The following TMC7 variants were observed in gnomAD, a reference collection of about 807,000 sequenced individuals.
TMC7 encodes transmembrane channel like 7.
A neutral mutation model predicts 82.9 loss-of-function variants in TMC7; 54 were observed. That is an observed-to-expected ratio of 0.65 (90% CI 0.52 to 0.82). TMC7 has a LOEUF of 0.82. Among genes scored for constraint, TMC7 ranks in the 40% least tolerant of loss-of-function variants. TMC7 has a pLI of 0.00. For missense variants in TMC7, 820 were observed against 901.2 expected (o/e 0.91, Z 1.15); for synonymous variants, 350 against 337.9 (o/e 1.04, Z -0.39).
intron 11 of TMC7, 50 bp from the exon 12 acceptor site, chr16:19,047,013 T>G (rs749109232): frequency 1.3e-6 from 2 of 1,496,186 alleles, no homozygotes; most frequent in South Asian, 2.6e-5. Flanking sequence ...GATATGGTTC[T>G]GTGGCCTTGG....
In TMC7 at chr16:19,061,870, C is replaced by G. The variant is rs1309383080; in HGVS notation, c.*27C>G. 1.2e-6 allele frequency: 2 copies of G among 1,603,522 alleles called. No homozygotes were observed. Among genetic ancestry groups the G allele is most frequent in the Non-Finnish European group, 1.7e-6 (2 of 1,172,768 alleles). ...TAGACTGAGCGTGAAGATGGTGCTG[C>G]CTGTTGCTTCTAAGCTGACCTAGTG... On this transcript the variant is annotated 3_prime_UTR_variant, in exon 16 of 16. Coordinates refer to ENST00000304381, the MANE Select transcript of TMC7 (RefSeq NM_024847.4).
At chr16:19,036,626 G>A (rs1034935653) in intron 7 of TMC7, among the ~76,000 whole-genome samples, 2 of 152,074 alleles carry the variant, frequency 1.3e-5, no homozygotes, top group African/African-American at 4.8e-5. Context: ...TGAGGCAAGA[G>A]AATCAATTGA....
intron 12 of TMC7, among the ~76,000 whole-genome samples, chr16:19,050,377 AAAAAAAAAAAAAAAACCAAAAAAAAC>A: frequency 6.6e-6 from 1 of 151,514 alleles, no homozygotes; most frequent in African/African-American, 2.4e-5. Flanking sequence ...AAAAAAAAAA[AAAAAAAAAAAAAAAACCAAAAAAAAC>A]AAAAAACTTA....
At chr16:19,010,033 C>G (rs1294537696) in intron 2 of TMC7, among the ~76,000 whole-genome samples, 4 of 140,766 alleles carry the variant, frequency 2.8e-5, no homozygotes, top group African/African-American at 1.1e-4. Flanking sequence ...CTCCCTCCCT[C>G]CCTCCTTTCT....
intron 6 of TMC7, among the ~76,000 whole-genome samples, chr16:19,031,593 C>T (rs573507152): frequency 1.1e-4 from 17 of 152,182 alleles, no homozygotes; most frequent in African/African-American, 3.9e-4. Context: ...ATCACTTGAA[C>T]CTGGGAGGCG....
At chr16:19,016,243 A>G (rs938063810) in intron 2 of TMC7, among the ~76,000 whole-genome samples, 1 of 151,792 alleles carries the variant, frequency 6.6e-6, no homozygotes, top group African/African-American at 2.4e-5. Context: ...GGCGCCCGCC[A>G]CCACACCTGG....
intron 14 of TMC7, among the ~76,000 whole-genome samples, chr16:19,057,112 C>G (rs1467539578): frequency 6.6e-6 from 1 of 152,126 alleles, no homozygotes; most frequent in Non-Finnish European, 1.5e-5. Context: ...GCACTCCAGC[C>G]TGGGTGACAG....
intron 1 of TMC7, among the ~76,000 whole-genome samples, chr16:18,995,384 A>G (rs2039026688): frequency 6.6e-6 from 1 of 152,224 alleles, no homozygotes; most frequent in African/African-American, 2.4e-5. Context: ...ATCAGGCAGC[A>G]TCAGTCTTCA....
At chr16:19,014,180 C>T (rs979029150) in intron 2 of TMC7, among the ~76,000 whole-genome samples, 9 of 152,106 alleles carry the variant, frequency 5.9e-5, no homozygotes, top group Admixed American at 2.0e-4. Flanking sequence ...TCTTGCTTAT[C>T]GAGATTTGGG....
chr16:19,006,203 C>CT (rs780064058), intron 1 of TMC7, among the ~76,000 whole-genome samples: 2,129 of 142,238 alleles, frequency 0.015, 38 homozygotes, highest in African/African-American at 0.045. Flanking sequence ...CCAGGGTGAC[C>CT]TTTTTTTTTT....
intron 9 of TMC7, among the ~76,000 whole-genome samples, chr16:19,044,333 C>G (rs1163912403): frequency 6.6e-6 from 1 of 152,122 alleles, no homozygotes; most frequent in Non-Finnish European, 1.5e-5. Context: ...GTCACCACCA[C>G]ACCTTGCTCA....
intron 9 of TMC7, among the ~76,000 whole-genome samples, chr16:19,044,382 G>A (rs951989496): frequency 6.6e-6 from 1 of 151,820 alleles, no homozygotes. Flanking sequence ...GCCAGGGGGT[G>A]GTGGTCTTAC....
intron 14 of TMC7, 27 bp from the exon 15 acceptor site, chr16:19,059,389 T>C (rs373345278): frequency 1.6e-5 from 26 of 1,608,854 alleles, no homozygotes; most frequent in Admixed American, 6.7e-5. Context: ...CCAGACTCCC[T>C]TGTGACCTGT....
chr16:19,041,444 CA>C (rs1961009293), intron 9 of TMC7, among the ~76,000 whole-genome samples: 1 of 151,930 alleles, frequency 6.6e-6, no homozygotes, highest in Non-Finnish European at 1.5e-5. Context: ...TGGCTCACTG[CA>C]ACCTCCACCT....
chr16:19,011,362 GTCA>G (rs1959329463), intron 2 of TMC7, among the ~76,000 whole-genome samples: 2 of 151,958 alleles, frequency 1.3e-5, no homozygotes, highest in Non-Finnish European at 2.9e-5. Context: ...CCCCCACAGG[GTCA>G]GTAGCATAAA....
intron 15 of TMC7, 22 bp downstream of exon 15, chr16:19,059,516 G>A (rs1961912334): frequency 1.2e-6 from 2 of 1,614,046 alleles, no homozygotes; most frequent in Admixed American, 3.3e-5. Flanking sequence ...TAGCTCCAGA[G>A]GGTCATGGCT....
intron 3 of TMC7, among the ~76,000 whole-genome samples, chr16:19,019,248 CAA>C (rs747135342): frequency 5.3e-5 from 8 of 152,188 alleles, no homozygotes; most frequent in Non-Finnish European, 1.5e-5. Flanking sequence ...GTAGGATAAA[CAA>C]AGGAAATGAT....
chr16:19,005,051 C>CT (rs1464515316), intron 1 of TMC7, among the ~76,000 whole-genome samples: 11 of 145,948 alleles, frequency 7.5e-5, no homozygotes, highest in Admixed American at 6.2e-4. Context: ...ATGTTAAATA[C>CT]TTTATTTTAT....
At chr16:19,006,945 T>G (rs1271105677) in intron 1 of TMC7, among the ~76,000 whole-genome samples, 2 of 152,078 alleles carry the variant, frequency 1.3e-5, no homozygotes, top group African/African-American at 4.8e-5. Flanking sequence ...GCCTCCTGAG[T>G]AGCTGGGATT....
Sources: allele counts gnomAD v4.1 joint callset (sites outside exome capture counted in the v4.1 genomes callset), GRCh38; gene constraint gnomAD v4.1.1; transcripts MANE v1.5; gene names NCBI Gene and HGNC (gene_info 2026-07-23, HGNC 2026-07-21).